The following PAQR5 variants were observed in gnomAD, a reference collection of about 807,000 sequenced individuals.
PAQR5 encodes progestin and adipoQ receptor family member 5.
PAQR5 carries 20 observed loss-of-function variants against 34.5 expected under a neutral mutation model. The ratio of observed to expected loss-of-function variants is 0.58; its 90% CI spans 0.41 to 0.84. The LOEUF (loss-of-function observed/expected upper bound fraction) is 0.84, where lower values mean the gene tolerates loss of function less well. Ranked by LOEUF, PAQR5 falls within the 40% of genes least tolerant of loss-of-function variation. The pLI is 0.00. For synonymous variants in PAQR5, 131 were observed against 155.6 expected (o/e 0.84, Z 1.18); for missense variants, 378 against 412.7 (o/e 0.92, Z 0.73).
intron 1 of PAQR5, among the ~76,000 whole-genome samples, chr15:69,330,204 C>T (rs1468237441): frequency 1.3e-5 from 2 of 152,168 alleles, no homozygotes; most frequent in African/African-American, 2.4e-5. Flanking sequence ...AGTGAAACCA[C>T]CTGTGCAAAA....
chr15:69,310,723 CT>C (rs905294478), intron 1 of PAQR5, among the ~76,000 whole-genome samples: 2 of 151,812 alleles, frequency 1.3e-5, no homozygotes, highest in Non-Finnish European at 2.9e-5. Flanking sequence ...ATTATTATTG[CT>C]GTTACTGCTG....
At chr15:69,395,871 A>G (rs967483675) in intron 6 of PAQR5, among the ~76,000 whole-genome samples, 3 of 152,102 alleles carry the variant, frequency 2.0e-5, no homozygotes, top group South Asian at 2.1e-4. Context: ...AGGGTCAGGA[A>G]AGAAGAAACA....
intron 2 of PAQR5, among the ~76,000 whole-genome samples, chr15:69,344,846 T>C (rs2054726925): frequency 6.6e-6 from 1 of 152,164 alleles, no homozygotes; most frequent in Admixed American, 6.5e-5. Flanking sequence ...CTGTAATCCC[T>C]GCATTTTGGA....
At position 69,396,119 on chromosome 15, in the gene PAQR5, G is replaced by T. The variant is rs889529895; in HGVS notation, c.513-1349G>T. 2.6e-5 allele frequency among the ~76,000 whole-genome samples: 4 copies of T among 151,358 alleles called. No individual in the cohort carries two copies. The East Asian group carries it at 7.7e-4, about 29-fold the overall frequency. ...CAGATCTGGCACCTGCCTGAGGAGG[G>T]TTCCCTAACTGCCCAATGTGGAAGT... On this transcript the variant is annotated intron_variant, in intron 6 of 8. Transcript: ENST00000395407.
rs543329516 is a variant in PAQR5, at chr15:69,328,075, C to G, written c.-276-9266C>G. On this transcript the variant is annotated intron_variant, in intron 1 of 8. Transcript: ENST00000395407. ...GGATTACAGGTGTGAGCCACCACAC[C>G]CAGCCAAGTCTCTTCTTCTATAATG... Among the ~76,000 whole-genome samples, 22 of 152,256 alleles carry G rather than the reference C, an allele frequency of 1.4e-4. No homozygotes were observed. In the South Asian group the frequency reaches 4.1e-3, roughly 29 times the overall value.
chr15:69,322,958 C>T (rs984095115), intron 1 of PAQR5, among the ~76,000 whole-genome samples: 4 of 149,398 alleles, frequency 2.7e-5, no homozygotes, highest in South Asian at 2.1e-4. Context: ...CACTAAGGAC[C>T]GAGATGACAG....
At chr15:69,326,261 C>A (rs1458035678) in intron 1 of PAQR5, among the ~76,000 whole-genome samples, 1 of 152,130 alleles carries the variant, frequency 6.6e-6, no homozygotes, top group Non-Finnish European at 1.5e-5. Flanking sequence ...CCCAGCCAAG[C>A]CTGGCAGGAG....
intron 1 of PAQR5, among the ~76,000 whole-genome samples, chr15:69,319,172 TA>T (rs2054030316): frequency 1.2e-3 from 1 of 808 alleles, no homozygotes; most frequent in African/African-American, 1.4e-3. Context: ...TATATATATA[TA>T]TATATATATA....
Position 69,389,656 on chromosome 15 carries a change from T to C in PAQR5, c.388T>C (p.Ser130Pro), listed in dbSNP as rs2056201678. 3 of 1,614,062 alleles carry C rather than the reference T, an allele frequency of 1.9e-6. No individual in the cohort carries two copies. Reference protein sequence around the residue: ...YGAVNLFSLGSAIAYSAYTFP... With the variant: ...YGAVNLFSLGPAIAYSAYTFP... ...CAAGGCTGGCTTTTCTTCCCCAGGC[T>C]CAGCCATTGCCTACTCTGCATACAC... Residue 130 changes from serine to proline, a missense_variant and splice_region_variant, in exon 6 of 9, where the codon TCA (serine) becomes CCA (proline). By Grantham distance (74) the Ser-to-Pro change is moderately conservative (BLOSUM62 -1). Transcript: ENST00000395407.
In PAQR5 at chr15:69,334,176, C is replaced by T. The variant is rs573472428; in HGVS notation, c.-276-3165C>T. 3.3e-5 allele frequency among the ~76,000 whole-genome samples: 5 copies of T among 152,052 alleles called. No homozygotes were observed. The East Asian group carries it at 7.8e-4, about 24-fold the overall frequency. The stretch of plus-strand genomic sequence containing the variant: ...CCAAGTTGCTGGGGCTACAGGCGCC[C>T]GCCACCACGCCGGGCTAATTTTTTT... On this transcript the variant is annotated intron_variant, in intron 1 of 8. Transcript: ENST00000395407.
At chr15:69,339,444 T>C (rs985862117) in intron 2 of PAQR5, among the ~76,000 whole-genome samples, 2 of 152,076 alleles carry the variant, frequency 1.3e-5, no homozygotes, top group African/African-American at 2.4e-5. Flanking sequence ...ACAATCTTTT[T>C]GTTGTTGTTG....
At chr15:69,304,047 G>T (rs995402463) in intron 1 of PAQR5, among the ~76,000 whole-genome samples, 4 of 152,304 alleles carry the variant, frequency 2.6e-5, no homozygotes, top group African/African-American at 7.2e-5. Context: ...GAAAAATTAG[G>T]GAGGAAGGAG....
chr15:69,303,619 T>C (rs2053652421), intron 1 of PAQR5, among the ~76,000 whole-genome samples: 1 of 149,366 alleles, frequency 6.7e-6, no homozygotes, highest in South Asian at 2.1e-4. Context: ...CAATCAATTC[T>C]CCAGTGCACT....
chr15:69,348,202 T>C (rs1260354915), intron 2 of PAQR5, among the ~76,000 whole-genome samples: 1 of 152,196 alleles, frequency 6.6e-6, no homozygotes, highest in African/African-American at 2.4e-5. Flanking sequence ...ATAAAATTAA[T>C]TTTCCTGCCT....
intron 1 of PAQR5, among the ~76,000 whole-genome samples, chr15:69,330,821 T>C (rs561573442): frequency 1.3e-5 from 2 of 152,338 alleles, no homozygotes; most frequent in Non-Finnish European, 2.9e-5. Flanking sequence ...TCCCCTGTCT[T>C]GATGAATCGG....
At chr15:69,349,795 C>A (rs368590251) in intron 2 of PAQR5, among the ~76,000 whole-genome samples, 11 of 152,110 alleles carry the variant, frequency 7.2e-5, no homozygotes, top group African/African-American at 2.4e-4. Context: ...GTGCCCACCA[C>A]CACACCCGGC....
chr15:69,390,700 T>A (rs565844914), intron 6 of PAQR5, among the ~76,000 whole-genome samples: 1 of 152,244 alleles, frequency 6.6e-6, no homozygotes, highest in South Asian at 2.1e-4. Flanking sequence ...GTCCCATAAA[T>A]GTGTGGTCAC....
intron 1 of PAQR5, among the ~76,000 whole-genome samples, chr15:69,307,666 A>T (rs143650605): frequency 6.6e-6 from 1 of 152,368 alleles, no homozygotes; most frequent in Non-Finnish European, 1.5e-5. Context: ...AGGAGTTTTC[A>T]TCAGGAAGTG....
intron 1 of PAQR5, among the ~76,000 whole-genome samples, chr15:69,312,853 G>T (rs146790665): frequency 4.1e-4 from 62 of 152,186 alleles, no homozygotes; most frequent in African/African-American, 1.4e-3. Flanking sequence ...CTCTTTTTTG[G>T]GGGTGGGGAT....
Sources: gnomAD v4.1 joint callset for allele counts (sites outside exome capture counted in the v4.1 genomes callset) on GRCh38, gnomAD v4.1.1 for gene constraint, MANE v1.5 for transcripts, NCBI Gene and HGNC (gene_info 2026-07-23, HGNC 2026-07-21) for gene names.